DCBLD1: variants seen among roughly 807,000 people sequenced by gnomAD.
DCBLD1 encodes the protein discoidin, CUB and LCCL domain-containing protein 1.
A neutral mutation model predicts 71.5 loss-of-function variants in DCBLD1; 57 were observed. That is an observed-to-expected ratio of 0.80 (90% CI 0.64 to 0.99). The LOEUF is 0.99. DCBLD1 is among the 50% of genes least tolerant of loss of function. DCBLD1 has a pLI of 0.00. For missense variants in DCBLD1, 891 were observed against 923.5 expected (o/e 0.96, Z 0.46); for synonymous variants, 380 against 363.8 (o/e 1.04, Z -0.51).
intron 2 of DCBLD1, among the ~76,000 whole-genome samples, chr6:117,516,793 G>A (rs1265432412): frequency 6.6e-6 from 1 of 152,214 alleles, no homozygotes; most frequent in Non-Finnish European, 1.5e-5. Flanking sequence ...AAAAGAGCTT[G>A]TGCAGGGGAA....
At chr6:117,493,587 A>G (rs575750378) in intron 1 of DCBLD1, among the ~76,000 whole-genome samples, 3 of 152,350 alleles carry the variant, frequency 2.0e-5, no homozygotes, top group South Asian at 2.1e-4. Context: ...AAAAAACTAA[A>G]TATCAGTTAT....
chr6:117,548,189 C>G lies in DCBLD1; in HGVS notation c.1898C>G (p.Ser633Cys). 6.4e-7 allele frequency: 1 copy of G among 1,550,426 alleles called. No individual in the cohort carries two copies. Among genetic ancestry groups the G allele is most frequent in the South Asian group, 1.2e-5 (1 of 84,036 alleles). Residue 633 changes from serine (S) to cysteine (C), a missense_variant, in exon 15 of 15, where the codon TCC (serine) becomes TGC (cysteine). By Grantham distance (112) the Ser-to-Cys change is moderately radical. Coordinates refer to ENST00000338728, the MANE Select transcript of DCBLD1 (RefSeq NM_001366458.2). ...GGGCCCCAGCCCGGCCACAAACACT[C>G]CCTCTCCTCGGGCGGCTTCTCCCCC... ...VPGPQPGHKHSLSSGGFSPVA... is the reference protein window; with the variant it reads ...VPGPQPGHKHCLSSGGFSPVA...
chr6:117,563,218 G>C, intron 14 of DCBLD1: 1 of 1,592,766 alleles, frequency 6.3e-7, no homozygotes, highest in Non-Finnish European at 8.6e-7. Flanking sequence ...ATTCAGAATA[G>C]TCTGATTAAC....
At chr6:117,559,388 T>C (rs1779540933) in intron 14 of DCBLD1, among the ~76,000 whole-genome samples, 1 of 152,202 alleles carries the variant, frequency 6.6e-6, no homozygotes. Flanking sequence ...TACAATGTAA[T>C]CCTAAGGGAG....
At chr6:117,491,635 A>C (rs188812249) in intron 1 of DCBLD1, among the ~76,000 whole-genome samples, 29 of 152,340 alleles carry the variant, frequency 1.9e-4, no homozygotes, top group African/African-American at 6.3e-4. Flanking sequence ...AGTCATATTC[A>C]AATTTCCCAA....
At chr6:117,533,483 T>C (rs1283085724) in intron 6 of DCBLD1, among the ~76,000 whole-genome samples, 1 of 152,206 alleles carries the variant, frequency 6.6e-6, no homozygotes, top group Non-Finnish European at 1.5e-5. Flanking sequence ...TGATGTTATT[T>C]TGATAATTGT....
chr6:117,492,883 A>G (rs1432343068), intron 1 of DCBLD1, among the ~76,000 whole-genome samples: 1 of 152,204 alleles, frequency 6.6e-6, no homozygotes, highest in East Asian at 1.9e-4. Flanking sequence ...ACGCTTGCAC[A>G]AAGCTTCCCA....
At chr6:117,518,876 G>GT (rs1162508678) in intron 2 of DCBLD1, among the ~76,000 whole-genome samples, 1 of 152,138 alleles carries the variant, frequency 6.6e-6, no homozygotes, top group Non-Finnish European at 1.5e-5. Context: ...GTCCCTATTG[G>GT]TTCTGGTTAA....
At chr6:117,543,480 C>T (rs1779168203) in intron 12 of DCBLD1, among the ~76,000 whole-genome samples, 1 of 152,084 alleles carries the variant, frequency 6.6e-6, no homozygotes, top group African/African-American at 2.4e-5. Flanking sequence ...TCAAGCAAAC[C>T]CCCTGCCTCA....
At chr6:117,569,499 G>T in intron 14 of DCBLD1, 1 of 1,533,898 alleles carries the variant, frequency 6.5e-7, no homozygotes, top group South Asian at 1.3e-5. Flanking sequence ...AAACTTCGTA[G>T]GGAAGTATAC....
intron 2 of DCBLD1, among the ~76,000 whole-genome samples, chr6:117,511,484 AT>A (rs1411288627): frequency 5.3e-5 from 8 of 152,108 alleles, no homozygotes; most frequent in African/African-American, 1.4e-4. Context: ...CAATCACAAT[AT>A]TTTTTTAAGC....
chr6:117,554,233 G>A (rs990589361), downstream of DCBLD1, among the ~76,000 whole-genome samples: 3 of 152,132 alleles, frequency 2.0e-5, no homozygotes, highest in Admixed American at 1.3e-4. Flanking sequence ...CAATATTTAT[G>A]TGTACATTTA....
At chr6:117,528,090 T>C (rs1325827676) in intron 5 of DCBLD1, among the ~76,000 whole-genome samples, 1 of 152,172 alleles carries the variant, frequency 6.6e-6, no homozygotes, top group East Asian at 1.9e-4. Context: ...ACAGTAAACA[T>C]GTAGTGCGCT....
At chr6:117,509,496 A>C (rs1490193784) in intron 2 of DCBLD1, among the ~76,000 whole-genome samples, 2 of 152,284 alleles carry the variant, frequency 1.3e-5, no homozygotes, top group East Asian at 3.9e-4. Flanking sequence ...TGGCACACTT[A>C]TATATGACTT....
chr6:117,557,482 T>C (rs977164113), intron 14 of DCBLD1, among the ~76,000 whole-genome samples: 3 of 152,146 alleles, frequency 2.0e-5, no homozygotes, highest in Admixed American at 6.5e-5. Flanking sequence ...CTCTCAAAAG[T>C]CAATTCCAGA....
At chr6:117,492,673 A>G (rs915813831) in intron 1 of DCBLD1, among the ~76,000 whole-genome samples, 1 of 152,238 alleles carries the variant, frequency 6.6e-6, no homozygotes, top group Non-Finnish European at 1.5e-5. Context: ...GCAGTGCAGA[A>G]TATGGAATGT....
At chr6:117,511,530 TC>T (rs753839975) in intron 2 of DCBLD1, among the ~76,000 whole-genome samples, 52 of 152,132 alleles carry the variant, frequency 3.4e-4, no homozygotes, top group Non-Finnish European at 6.2e-4. Context: ...TCATGTGAAG[TC>T]AACTGTTAAT....
intron 1 of DCBLD1, among the ~76,000 whole-genome samples, chr6:117,483,663 C>T (rs939039599): frequency 4.0e-5 from 6 of 151,762 alleles, no homozygotes; most frequent in Non-Finnish European, 7.4e-5. Flanking sequence ...TTTACCAGCC[C>T]TGGGTGTCCC....
At chr6:117,504,003 T>C in intron 2 of DCBLD1, 24 bp downstream of exon 2, 1 of 1,611,686 alleles carries the variant, frequency 6.2e-7, no homozygotes, top group African/African-American at 1.3e-5. Context: ...ACTAGGTTTC[T>C]CTGAGCATCA....
Sources: allele counts gnomAD v4.1 joint callset (sites outside exome capture counted in the v4.1 genomes callset), GRCh38; gene constraint gnomAD v4.1.1; transcripts MANE v1.5; gene names NCBI Gene and HGNC (gene_info 2026-07-23, HGNC 2026-07-21).